Variants in TBC1D12 observed in about 807,000 individuals in gnomAD.
The protein encoded by TBC1D12 is TBC1 domain family member 12.
Under a neutral mutation model 86.7 loss-of-function variants are expected in TBC1D12, and 56 were observed. The ratio of observed to expected loss-of-function variants is 0.65; its 90% CI spans 0.52 to 0.81. The LOEUF is 0.81. TBC1D12 is among the 30% of genes least tolerant of loss of function. TBC1D12 has a pLI of 0.00. For missense variants in TBC1D12, 1,023 were observed against 1,038.8 expected, an observed-to-expected ratio of 0.98 and a Z score of 0.21; for synonymous variants, 421 against 411.7, an observed-to-expected ratio of 1.02 and a Z score of -0.27.
chr10:94,490,100 A>C (rs188145104), intron 3 of TBC1D12, among the ~76,000 whole-genome samples: 15 of 152,290 alleles, frequency 9.8e-5, no homozygotes, highest in African/African-American at 3.6e-4. Context: ...TTACCAAAAA[A>C]TGTAGCCAGG....
intron 3 of TBC1D12, among the ~76,000 whole-genome samples, chr10:94,484,046 C>A (rs1180855914): frequency 1.3e-5 from 2 of 152,068 alleles, no homozygotes; most frequent in Admixed American, 1.3e-4. Flanking sequence ...TGTTTTTTCT[C>A]AAATGTGTAT....
At chr10:94,424,055 TTAATC>T (rs1399946260) in intron 1 of TBC1D12, among the ~76,000 whole-genome samples, 4 of 145,928 alleles carry the variant, frequency 2.7e-5, no homozygotes, top group African/African-American at 8.4e-5. Context: ...GGTATTATAA[TTAATC>T]TAAGATGATT....
At chr10:94,446,291 A>G (rs1034415933) in intron 2 of TBC1D12, among the ~76,000 whole-genome samples, 1 of 152,218 alleles carries the variant, frequency 6.6e-6, no homozygotes, top group Non-Finnish European at 1.5e-5. Flanking sequence ...AAGTGAATAT[A>G]GTATCAGTAA....
At chr10:94,525,864 T>C (rs1350025992) in intron 11 of TBC1D12, among the ~76,000 whole-genome samples, 1 of 152,164 alleles carries the variant, frequency 6.6e-6, no homozygotes, top group Non-Finnish European at 1.5e-5. Flanking sequence ...TACATAGTGA[T>C]GTTTCTGTAC....
chr10:94,468,684 CT>C (rs1014856965), intron 2 of TBC1D12, among the ~76,000 whole-genome samples: 1 of 152,020 alleles, frequency 6.6e-6, no homozygotes, highest in African/African-American at 2.4e-5. Context: ...CTGTATTCTG[CT>C]TAGAATTTAT....
At chr10:94,435,361 G>GT (rs1247399957) in intron 1 of TBC1D12, among the ~76,000 whole-genome samples, 1 of 152,088 alleles carries the variant, frequency 6.6e-6, no homozygotes, top group Non-Finnish European at 1.5e-5. Context: ...TCTAAACTTG[G>GT]TATTATCAGG....
intron 1 of TBC1D12, among the ~76,000 whole-genome samples, chr10:94,436,621 G>T (rs2055301240): frequency 6.6e-6 from 1 of 151,824 alleles, no homozygotes; most frequent in Non-Finnish European, 1.5e-5. Context: ...CTTTAATGTG[G>T]TTCAATAATG....
At chr10:94,426,438 G>A (rs752465339) in intron 1 of TBC1D12, among the ~76,000 whole-genome samples, 2 of 152,038 alleles carry the variant, frequency 1.3e-5, no homozygotes, top group Non-Finnish European at 2.9e-5. Context: ...ATGTAATTGT[G>A]TGGGTTTTTC....
chr10:94,500,439 T>C (rs2056380300), intron 6 of TBC1D12, 112 bp downstream of exon 6: 1 of 743,286 alleles, frequency 1.3e-6, no homozygotes, highest in Non-Finnish European at 2.0e-6. Flanking sequence ...ATATATAATG[T>C]CATTTTAAAA....
At position 94,434,646 on chromosome 10, in the gene TBC1D12, C is replaced by T. The variant is rs185605476; in HGVS notation, c.972-7250C>T. ...TTGGGGCTGGATGCAATGGTTCACA[C>T]CTGTAATCCCAGCCTTTGGGAGGCC... is the stretch of plus-strand genomic sequence containing the variant. On this transcript the variant is annotated intron_variant, in intron 1 of 12. Transcript: ENST00000225235. Among the ~76,000 whole-genome samples the T allele has an allele frequency of 1.1e-4, 17 of 152,040 alleles. No homozygotes were observed. The East Asian group carries it at 3.3e-3, about 29-fold the overall frequency.
At chr10:94,461,498 A>G (rs1207376548) in intron 2 of TBC1D12, among the ~76,000 whole-genome samples, 2 of 152,330 alleles carry the variant, frequency 1.3e-5, no homozygotes, top group South Asian at 2.1e-4. Context: ...TGAAAGCACA[A>G]GGGGATTTCT....
chr10:94,487,194 T>C (rs895502031), intron 3 of TBC1D12, among the ~76,000 whole-genome samples: 1 of 151,878 alleles, frequency 6.6e-6, no homozygotes, highest in African/African-American at 2.4e-5. Flanking sequence ...AGTCTATATA[T>C]GTCTTTATAG....
intron 9 of TBC1D12, among the ~76,000 whole-genome samples, chr10:94,514,128 C>A (rs1438330475): frequency 6.6e-6 from 1 of 151,454 alleles, no homozygotes; most frequent in Non-Finnish European, 1.5e-5. Flanking sequence ...GTAATCCCAG[C>A]ATTTGGGAGG....
At chr10:94,524,718 G>A (rs1465258246) in intron 11 of TBC1D12, among the ~76,000 whole-genome samples, 3 of 144,874 alleles carry the variant, frequency 2.1e-5, no homozygotes, top group South Asian at 2.2e-4. Flanking sequence ...TAGACAGAGC[G>A]AGACTCCATT....
chr10:94,472,530 A>G lies in TBC1D12; in HGVS notation c.1096-2138A>G, dbSNP rs1298936386. On this transcript the variant is annotated intron_variant, in intron 2 of 12. Transcript: ENST00000225235. ...TTGCATGGAAAATGTTTTATTGGAT[A>G]ATATTCATGGTATTCTGTTTGGCAG... Among the ~76,000 whole-genome samples, 8 of 152,196 alleles carry G rather than the reference A, an allele frequency of 5.3e-5. No homozygotes were observed. The East Asian group carries it at 1.5e-3, about 29-fold the overall frequency.
At chr10:94,481,433 C>T (rs1013526600) in intron 3 of TBC1D12, among the ~76,000 whole-genome samples, 2 of 152,316 alleles carry the variant, frequency 1.3e-5, no homozygotes, top group Middle Eastern at 3.4e-3. Flanking sequence ...GCTTCCCCAT[C>T]AGCACTTGCT....
rs2056026166 is a variant in TBC1D12 at position 94,478,413 on chromosome 10, A to C, written c.1211+3630A>C. ...AATCTTAAAGGCGGGATTTGTAGTT[A>C]AACTGGAAATGTAGGCCAGGCGTGG... On this transcript the variant is annotated intron_variant, in intron 3 of 12. Coordinates refer to ENST00000225235, the MANE Select transcript of TBC1D12 (RefSeq NM_015188.2). 1.3e-5 allele frequency among the ~76,000 whole-genome samples: 2 copies of C among 152,144 alleles called. 1 individual carries two copies. The highest frequency in any genetic ancestry group is 3.9e-4 in the East Asian group (2 of 5,170).
chr10:94,406,158 A>G (rs949847464), intron 1 of TBC1D12, among the ~76,000 whole-genome samples: 2 of 152,150 alleles, frequency 1.3e-5, no homozygotes, highest in Non-Finnish European at 2.9e-5. Flanking sequence ...GTAGGCAGGA[A>G]TTTTATTTTT....
intron 1 of TBC1D12, among the ~76,000 whole-genome samples, chr10:94,406,721 C>T (rs182313809): frequency 1.5e-3 from 231 of 152,346 alleles, no homozygotes; most frequent in Middle Eastern, 0.01. Context: ...AGTTGCTATT[C>T]TCAACTCTGA....
Sources: allele counts gnomAD v4.1 joint callset (sites outside exome capture counted in the v4.1 genomes callset), GRCh38; gene constraint gnomAD v4.1.1; transcripts MANE v1.5; gene names NCBI Gene and HGNC (gene_info 2026-07-23, HGNC 2026-07-21).